Variants in SETBP1 observed in about 807,000 individuals in gnomAD.
SETBP1 encodes the protein SET binding protein 1.
Under a neutral mutation model 101.0 loss-of-function variants are expected in SETBP1, and 9 were observed. That is an observed-to-expected ratio of 0.09 (90% CI 0.05 to 0.16). The LOEUF is 0.16. Ranked by LOEUF, SETBP1 falls within the 10% of genes least tolerant of loss-of-function variation. The probability of loss-of-function intolerance (pLI) is 1.00; values close to 1 mark genes in which losing one functional copy is unlikely to be tolerated. For synonymous variants in SETBP1, 818 were observed against 788.5 expected (o/e 1.04, Z -0.63); for missense variants, 1,858 against 2,033.8 (o/e 0.91, Z 1.66).
At chr18:44,977,464 G>T (rs935392892) in intron 4 of SETBP1, among the ~76,000 whole-genome samples, 1 of 152,216 alleles carries the variant, frequency 6.6e-6, no homozygotes, top group Non-Finnish European at 1.5e-5. Flanking sequence ...GACCACGAGT[G>T]GGGAAATGCT....
chr18:45,037,788 A>C (rs557543509), intron 4 of SETBP1, among the ~76,000 whole-genome samples: 1 of 152,178 alleles, frequency 6.6e-6, no homozygotes, highest in South Asian at 2.1e-4. Flanking sequence ...AAGGCCCCCA[A>C]ATCAGCTCTC....
intron 2 of SETBP1, among the ~76,000 whole-genome samples, chr18:44,815,752 A>G (rs981439698): frequency 6.6e-6 from 1 of 152,166 alleles, no homozygotes; most frequent in Admixed American, 6.5e-5. Flanking sequence ...ATTCCAACAC[A>G]TTGTTTCTGT....
At chr18:44,781,885 G>T (rs181739446) in intron 2 of SETBP1, among the ~76,000 whole-genome samples, 52 of 152,282 alleles carry the variant, frequency 3.4e-4, no homozygotes, top group African/African-American at 1.2e-3. Context: ...TTAATCACTG[G>T]TTTTTGTGAT....
chr18:44,879,274 T>G (rs1438783186), intron 3 of SETBP1, among the ~76,000 whole-genome samples: 2 of 152,176 alleles, frequency 1.3e-5, no homozygotes, highest in African/African-American at 4.8e-5. Context: ...AGCAATGATT[T>G]TGGAACCAAA....
chr18:44,711,468 C>A (rs535359230), intron 2 of SETBP1, among the ~76,000 whole-genome samples: 27 of 139,624 alleles, frequency 1.9e-4, no homozygotes, highest in African/African-American at 6.5e-4. Flanking sequence ...CTCCTTCCTT[C>A]CTTCCTTTCT....
chr18:44,936,823 A>G (rs556548270), intron 3 of SETBP1, among the ~76,000 whole-genome samples: 2 of 152,298 alleles, frequency 1.3e-5, no homozygotes, highest in South Asian at 2.1e-4. Flanking sequence ...CTATGACTGC[A>G]TATTGTCAGG....
At chr18:44,795,986 A>C (rs2071468197) in intron 2 of SETBP1, among the ~76,000 whole-genome samples, 1 of 152,136 alleles carries the variant, frequency 6.6e-6, no homozygotes, top group African/African-American at 2.4e-5. Context: ...CTCCTTTTCC[A>C]CTGTTAATAA....
At chr18:44,978,628 T>C (rs898414301) in intron 4 of SETBP1, among the ~76,000 whole-genome samples, 1 of 152,196 alleles carries the variant, frequency 6.6e-6, no homozygotes, top group African/African-American at 2.4e-5. Context: ...AAATGAGGGC[T>C]CTTACTGAAT....
At chr18:45,043,004 C>T (rs2073539543) in intron 5 of SETBP1, among the ~76,000 whole-genome samples, 1 of 152,190 alleles carries the variant, frequency 6.6e-6, no homozygotes. Flanking sequence ...AAAAGCGCCA[C>T]TAAAGTTTGC....
At chr18:44,923,161 T>C (rs1312823167) in intron 3 of SETBP1, among the ~76,000 whole-genome samples, 2 of 152,174 alleles carry the variant, frequency 1.3e-5, no homozygotes, top group Non-Finnish European at 2.9e-5. Flanking sequence ...GGTTTTATAT[T>C]TGAGGAAACA....
At position 44,701,533 on chromosome 18, in the gene SETBP1, C is replaced by T. The variant is rs758634513; in HGVS notation, c.187C>T (p.Leu63=). Residue 63 remains leucine, a synonymous_variant, in exon 2 of 6, where the codon CTA becomes TTA. Coordinates refer to ENST00000649279, the MANE Select transcript of SETBP1 (RefSeq NM_015559.3). ...ERMEPEEEDE[L]GSGRDVDSNS... ...CATGGAGCCAGAGGAGGAGGATGAACTAGGCTCAGGGCGGGATGTGGATTC... is the reference window on the plus strand; with the variant it reads ...CATGGAGCCAGAGGAGGAGGATGAATTAGGCTCAGGGCGGGATGTGGATTC... 1 of 1,614,096 alleles carries T rather than the reference C, an allele frequency of 6.2e-7. No homozygotes were observed. Among genetic ancestry groups the T allele is most frequent in the South Asian group, 1.1e-5 (1 of 91,080 alleles).
At position 45,067,632 on chromosome 18, in the gene SETBP1, T is replaced by A. The variant is rs924882462; in HGVS notation, c.*3934T>A. The A allele has an allele frequency of 6.6e-6, 1 of 152,224 alleles. No homozygotes were observed. The highest frequency in any genetic ancestry group is 1.5e-5 in the Non-Finnish European group (1 of 68,050). 9.4% of individuals were successfully genotyped at this position (152,224 alleles called of 1,614,324 possible). A position where few individuals can be genotyped will look rare whatever the true frequency, so the allele number is the denominator to read the frequency against. On this transcript the variant is annotated 3_prime_UTR_variant, in exon 6 of 6. Coordinates refer to ENST00000649279, the MANE Select transcript of SETBP1 (RefSeq NM_015559.3). Reference sequence around the variant, plus strand: ...GAGCTTACAGATAATGTCATCACAGTGCCTAGAAACTCGAACTGTAATATA... The same window carrying A: ...GAGCTTACAGATAATGTCATCACAGAGCCTAGAAACTCGAACTGTAATATA...
chr18:44,776,948 T>C (rs2071016194), intron 2 of SETBP1, among the ~76,000 whole-genome samples: 1 of 152,228 alleles, frequency 6.6e-6, no homozygotes, highest in African/African-American at 2.4e-5. Context: ...TCCCTTAGGC[T>C]ACCTCCCAGG....
intron 2 of SETBP1, among the ~76,000 whole-genome samples, chr18:44,731,905 A>G (rs2069845825): frequency 6.6e-6 from 1 of 152,220 alleles, no homozygotes; most frequent in African/African-American, 2.4e-5. Context: ...GAAGCATCAT[A>G]GTAATTCTGA....
At chr18:44,879,355 G>A (rs954041353) in intron 3 of SETBP1, among the ~76,000 whole-genome samples, 3 of 152,078 alleles carry the variant, frequency 2.0e-5, no homozygotes, top group African/African-American at 7.2e-5. Context: ...AACTTTTATG[G>A]CCAGAGTCAT....
intron 4 of SETBP1, 44 bp from the exon 5 acceptor site, chr18:45,038,441 G>A: frequency 6.3e-7 from 1 of 1,587,220 alleles, no homozygotes; most frequent in Admixed American, 1.7e-5. Context: ...CTATCTTCCT[G>A]TTCCCTTAAA....
At chr18:44,706,699 T>C (rs1374445883) in intron 2 of SETBP1, among the ~76,000 whole-genome samples, 1 of 147,688 alleles carries the variant, frequency 6.8e-6, no homozygotes, top group Non-Finnish European at 1.5e-5. Flanking sequence ...TTCGTGAGGA[T>C]GTTGGGAGTC....
At position 44,951,730 on chromosome 18, in the gene SETBP1, C is replaced by T. The variant is rs1008236402; in HGVS notation, c.2390C>T (p.Thr797Ile). 2 of 1,614,168 alleles carry T rather than the reference C, an allele frequency of 1.2e-6. No individual in the cohort carries two copies. Among genetic ancestry groups the T allele is most frequent in the Non-Finnish European group, 1.7e-6 (2 of 1,180,042 alleles). Residue 797 changes from threonine to isoleucine, a missense_variant, in exon 4 of 6, where the codon ACC becomes ATC. Transcript: ENST00000649279. This position sits in a 1 kb window ranked among gnomAD's most constrained non-coding sequence, Gnocchi z 7.8. ...NGNLSPASTETNFSELKTMPN... is the reference protein window; with the variant it reads ...NGNLSPASTEINFSELKTMPN... ...AACCTGAGCCCTGCCAGCACTGAAA[C>T]CAATTTTTCAGAGTTGAAAACTATG...
chr18:44,932,265 T>C (rs4372775), intron 3 of SETBP1, among the ~76,000 whole-genome samples: 81,039 of 152,016 alleles, frequency 0.53, 21,925 homozygotes, highest in East Asian at 0.73. Context: ...TGAATATTGG[T>C]CCCCACTCTC....
Sources: gnomAD v4.1 joint callset for allele counts (sites outside exome capture counted in the v4.1 genomes callset) on GRCh38, gnomAD v4.1.1 for gene constraint, Gnocchi (gnomAD v3.1) non-coding constraint, MANE v1.5 for transcripts, NCBI Gene and HGNC (gene_info 2026-07-23, HGNC 2026-07-21) for gene names.